SEPSECS: variants seen among roughly 807,000 people sequenced by gnomAD.
SEPSECS encodes O-phosphoseryl-tRNA(Sec) selenium transferase.
Under a neutral mutation model 52.1 loss-of-function variants are expected in SEPSECS, and 42 were observed. The observed-to-expected ratio is 0.81, with a 90% CI of 0.63 to 1.04. SEPSECS has a LOEUF of 1.04. Among genes scored for constraint, SEPSECS ranks in the 50% least tolerant of loss-of-function variants. The pLI is 0.00. For missense variants in SEPSECS, 590 were observed against 610.6 expected (o/e 0.97, Z 0.36); for synonymous variants, 216 against 211.4 (o/e 1.02, Z -0.19).
rs1728086981 is a variant in SEPSECS, at chr4:25,120,652, A to C, written c.*3279T>G. 6.6e-6 allele frequency: 1 copy of C among 152,190 alleles called. No individual in the cohort carries two copies. The highest frequency in any genetic ancestry group is 2.4e-5 in the African/African-American group (1 of 41,472). The allele number at this position is 152,190 out of a possible 1,614,324, so 9.4% of individuals were successfully genotyped here. On this transcript the variant is annotated 3_prime_UTR_variant, in exon 11 of 11. Transcript: ENST00000382103. ...ATGCAAAACATAACAAAATCATTTA[A>C]GGGTCTGGCAGAGGTTAGTACATCT...
Position 25,121,098 on chromosome 4 carries a change from A to C in SEPSECS, c.*2833T>G, listed in dbSNP as rs1728105709. The C allele has an allele frequency of 6.6e-6, 1 of 152,170 alleles. No homozygotes were observed. The highest frequency in any genetic ancestry group is 1.5e-5 in the Non-Finnish European group (1 of 68,014). The allele number at this position is 152,170 out of a possible 1,614,324, so 9.4% of individuals were successfully genotyped here. On this transcript the variant is annotated 3_prime_UTR_variant, in exon 11 of 11. Transcript: ENST00000382103. ...TGAACAGAACTGTATTCAATAATTC[A>C]TATTCTATAACTTCATTCAACTAAT...
At chr4:25,153,541 G>C (rs1712439579) in intron 5 of SEPSECS, among the ~76,000 whole-genome samples, 1 of 151,874 alleles carries the variant, frequency 6.6e-6, no homozygotes, top group South Asian at 2.1e-4. Context: ...TTATCAGTTA[G>C]AAGAAATAAT....
At chr4:25,149,429 T>C (rs1465708975) in intron 6 of SEPSECS, among the ~76,000 whole-genome samples, 1 of 152,118 alleles carries the variant, frequency 6.6e-6, no homozygotes, top group Non-Finnish European at 1.5e-5. Flanking sequence ...ATATGTTGTA[T>C]CATTAAAATG....
intron 10 of SEPSECS, among the ~76,000 whole-genome samples, chr4:25,124,927 GGCTCA>G (rs1019598665): frequency 2.0e-5 from 3 of 151,314 alleles, no homozygotes; most frequent in Non-Finnish European, 4.4e-5. Flanking sequence ...AAGTCAATTA[GGCTCA>G]ACCTAAACAC....
At chr4:25,147,404 A>G (rs1712028619) in intron 6 of SEPSECS, among the ~76,000 whole-genome samples, 1 of 152,248 alleles carries the variant, frequency 6.6e-6, no homozygotes. Flanking sequence ...AGGAACCCAG[A>G]AAGTATTTGT....
intron 8 of SEPSECS, among the ~76,000 whole-genome samples, chr4:25,128,984 T>G (rs578059044): frequency 8.9e-4 from 135 of 152,308 alleles, no homozygotes; most frequent in Non-Finnish European, 1.5e-3. Flanking sequence ...ATGAGTCTAC[T>G]TAAGACCACA....
At position 25,160,409 on chromosome 4, in the gene SEPSECS, G is replaced by C. The variant is rs1284466134; in HGVS notation, c.-40C>G. On this transcript the variant is annotated 5_prime_UTR_variant, in exon 1 of 11. Transcript: ENST00000382103. ...CAGTGGCGAATAAGCGGGAGCACTA[G>C]CTCCACACGCCAGACACACGACGGA... 1.3e-6 allele frequency: 2 copies of C among 1,489,206 alleles called. No homozygotes were observed. Among genetic ancestry groups the C allele is most frequent in the East Asian group, 5.0e-5 (2 of 40,184 alleles). 92.2% of individuals were successfully genotyped at this position (1,489,206 alleles called of 1,614,324 possible). A position where few individuals can be genotyped will look rare whatever the true frequency, so the allele number is the denominator to read the frequency against.
At chr4:25,130,587 C>A (rs528844501) in intron 8 of SEPSECS, among the ~76,000 whole-genome samples, 3 of 152,090 alleles carry the variant, frequency 2.0e-5, no homozygotes, top group African/African-American at 7.2e-5. Context: ...AGTTCACATC[C>A]ATCAACAAAT....
Position 25,158,934 on chromosome 4 carries a change from A to G in SEPSECS, c.269+19T>C. 1 of 1,609,738 alleles carries G rather than the reference A, an allele frequency of 6.2e-7. No homozygotes were observed. The highest frequency in any genetic ancestry group is 8.5e-7 in the Non-Finnish European group (1 of 1,175,974). On this transcript the variant is annotated intron_variant, in intron 2 of 10. Transcript: ENST00000382103. Reference sequence around the variant, plus strand: ...AATAAATAAACGATGTATCTCCTGTACTACTTAAAAAAAGATACCTGTAAT... The same window carrying G: ...AATAAATAAACGATGTATCTCCTGTGCTACTTAAAAAAAGATACCTGTAAT...
Position 25,144,071 on chromosome 4 carries a change from T to TG in SEPSECS, c.1026+702dup, listed in dbSNP as rs529490933. On this transcript the variant is annotated intron_variant, in intron 8 of 10. Transcript: ENST00000382103. ...ATGACAAGAAATAGGCCAGGCGTGG[T>TG]GGGTAACGTCTGTAATCCCAGCACT... Among the ~76,000 whole-genome samples, 228 of 152,174 alleles carry TG rather than the reference T, an allele frequency of 1.5e-3. 2 individuals carry two copies. The highest frequency in any genetic ancestry group is 8.1e-3 in the South Asian group (39 of 4,806).
chr4:25,133,624 A>G (rs777772510), intron 8 of SEPSECS, among the ~76,000 whole-genome samples: 5 of 152,202 alleles, frequency 3.3e-5, no homozygotes, highest in Non-Finnish European at 7.3e-5. Context: ...TTCCAAAAAG[A>G]TGACAAAATC....
At position 25,123,692 on chromosome 4, in the gene SEPSECS, A is replaced by G; in HGVS notation, c.*239T>C. ...ATGATGCTTAATTGACAGATATTCT[A>G]ACAATTAGAAAAATGCTAATTGTAT... is the stretch of plus-strand genomic sequence containing the variant. On this transcript the variant is annotated 3_prime_UTR_variant, in exon 11 of 11. Coordinates refer to ENST00000382103, the MANE Select transcript of SEPSECS (RefSeq NM_016955.4). 1.9e-6 allele frequency: 1 copy of G among 514,252 alleles called. No homozygotes were observed. The highest frequency in any genetic ancestry group is 3.2e-5 in the East Asian group (1 of 30,958). 31.9% of individuals were successfully genotyped at this position (514,252 alleles called of 1,614,324 possible).
intron 6 of SEPSECS, among the ~76,000 whole-genome samples, chr4:25,149,834 T>A (rs948950740): frequency 2.6e-5 from 4 of 152,174 alleles, no homozygotes; most frequent in Non-Finnish European, 5.9e-5. Flanking sequence ...TAGTCTACAA[T>A]AAGTGAAGAA....
intron 8 of SEPSECS, among the ~76,000 whole-genome samples, chr4:25,128,265 C>T (rs1267105421): frequency 6.6e-6 from 1 of 152,094 alleles, no homozygotes; most frequent in African/African-American, 2.4e-5. Flanking sequence ...AAAAATGTGC[C>T]AGACTTTAGT....
rs550980090 is a variant in SEPSECS at position 25,123,055 on chromosome 4, C to T, written c.*876G>A. 6.6e-6 allele frequency: 1 copy of T among 152,208 alleles called. No individual in the cohort carries two copies. The highest frequency in any genetic ancestry group is 2.4e-5 in the African/African-American group (1 of 41,524). 9.4% of individuals were successfully genotyped at this position (152,208 alleles called of 1,614,324 possible). On this transcript the variant is annotated 3_prime_UTR_variant, in exon 11 of 11. Transcript: ENST00000382103. ...CCAAAAGGAAAAATGCACCAGTGAG[C>T]ACCATATAAAACAATTTATAATGAC...
intron 4 of SEPSECS, among the ~76,000 whole-genome samples, chr4:25,155,519 C>G (rs1712572608): frequency 6.6e-6 from 1 of 152,142 alleles, no homozygotes; most frequent in South Asian, 2.1e-4. Context: ...AAAATAAGTC[C>G]ACTCATTCTC....
At position 25,158,956 on chromosome 4, in the gene SEPSECS, T is replaced by C; in HGVS notation, c.266A>G (p.Tyr89Cys). The C allele has an allele frequency of 6.2e-7, 1 of 1,613,880 alleles. No individual in the cohort carries two copies. The highest frequency in any genetic ancestry group is 8.5e-7 in the Non-Finnish European group (1 of 1,179,778). ...VASALVARRH[Y>C]RFIHGIGRSG... is the part of the protein sequence containing the mutation. ...TGTACTACTTAAAAAAAGATACCTG[T>C]AATGACGACGAGCAACCAGTGCGGA... The change falls in exon 2 of 11, where the codon TAC (tyrosine) becomes TGC (cysteine). Residue 89 changes from tyrosine to cysteine, a missense_variant. Coordinates refer to ENST00000382103, the MANE Select transcript of SEPSECS (RefSeq NM_016955.4).
intron 6 of SEPSECS, among the ~76,000 whole-genome samples, chr4:25,151,519 T>TA (rs909650568): frequency 2.0e-5 from 3 of 151,318 alleles, no homozygotes; most frequent in South Asian, 4.2e-4. Context: ...AGCTGATGCT[T>TA]AAAAAAAAAT....
At chr4:25,127,070 T>G (rs1219503413) in intron 9 of SEPSECS, among the ~76,000 whole-genome samples, 194 bp downstream of exon 9, 1 of 152,242 alleles carries the variant, frequency 6.6e-6, no homozygotes, top group Non-Finnish European at 1.5e-5. Context: ...TCTCAGTGTA[T>G]AGGCTTTATC....
Sources: gnomAD v4.1 joint callset for allele counts (sites outside exome capture counted in the v4.1 genomes callset) on GRCh38, gnomAD v4.1.1 for gene constraint, MANE v1.5 for transcripts, NCBI Gene and HGNC (gene_info 2026-07-23, HGNC 2026-07-21) for gene names.